TMC3: variants seen among roughly 807,000 people sequenced by gnomAD.
TMC3 encodes the protein transmembrane channel like 3, also known as transmembrane channel-like protein 3.
A neutral mutation model predicts 110.6 loss-of-function variants in TMC3; 98 were observed. That is an observed-to-expected ratio of 0.89 (90% CI 0.75 to 1.05). The LOEUF (loss-of-function observed/expected upper bound fraction) is 1.05. TMC3 is among the 50% of genes least tolerant of loss of function. The probability of loss-of-function intolerance (pLI) is 0.00; values close to 1 mark genes in which losing one functional copy is unlikely to be tolerated. For synonymous variants in TMC3, 489 were observed against 513.1 expected, an observed-to-expected ratio of 0.95 and a Z score of 0.63; for missense variants, 1,319 against 1,373.2, an observed-to-expected ratio of 0.96 and a Z score of 0.62.
Position 81,333,165 on chromosome 15 carries a change from C to T in TMC3, c.2557G>A (p.Glu853Lys). 1 of 1,614,040 alleles carries T rather than the reference C, an allele frequency of 6.2e-7. No individual in the cohort carries two copies. The highest frequency in any genetic ancestry group is 8.5e-7 in the Non-Finnish European group (1 of 1,179,904). ...FTTHIEDVHS[E>K]PLFRKDFQQI... ...TGAAAGTCTTTTCGGAAAAGAGGTT[C>T]TGAGTGTACATCTTCGATGTGCGTT... Residue 853 changes from glutamate (E) to lysine (K), a missense_variant, in exon 22 of 22, where the codon GAA (glutamate) becomes AAA (lysine). By Grantham distance (56) the Glu-to-Lys change is moderately conservative. Coordinates refer to ENST00000359440, the MANE Select transcript of TMC3 (RefSeq NM_001080532.3).
intron 3 of TMC3, among the ~76,000 whole-genome samples, chr15:81,362,656 G>T (rs562563488): frequency 1.3e-5 from 2 of 151,854 alleles, no homozygotes; most frequent in South Asian, 2.1e-4. Context: ...CTTGCTCTTT[G>T]AGAAAAAAAA....
chr15:81,370,680 C>CTTTTT lies in TMC3; in HGVS notation c.236+1906_236+1910dup, dbSNP rs10676279. Among the ~76,000 whole-genome samples the CTTTTT allele has an allele frequency of 2.7e-4, 37 of 139,334 alleles. 2 individuals carry two copies. The highest frequency in any genetic ancestry group is 1.0e-3 in the African/African-American group (37 of 37,124). The allele number at this position is 139,334 out of a possible 152,430, so 91.4% of individuals were successfully genotyped here. A position where few individuals can be genotyped will look rare whatever the true frequency, so the allele number is the denominator to read the frequency against. On this transcript the variant is annotated intron_variant, in intron 2 of 21. Coordinates refer to ENST00000359440, the MANE Select transcript of TMC3 (RefSeq NM_001080532.3). ...AGCAAAATTCTAATAGAAACTATTT[C>CTTTTT]TTTTTTTTTTTTTTTTGAGACAGAG...
Position 81,372,580 on chromosome 15 carries a change from G to A in TMC3, c.236+11C>T. ...CTTGTAATGATCAATAATGGCCATTGAGGCCCTTACCTCAATGCCCTCAGC... is the reference window on the plus strand; with the variant it reads ...CTTGTAATGATCAATAATGGCCATTAAGGCCCTTACCTCAATGCCCTCAGC... On this transcript the variant is annotated intron_variant, in intron 2 of 21. Transcript: ENST00000359440. 2.5e-6 allele frequency: 4 copies of A among 1,613,002 alleles called. No homozygotes were observed. Among genetic ancestry groups the A allele is most frequent in the Non-Finnish European group, 3.4e-6 (4 of 1,179,874 alleles).
chr15:81,332,762 T>G lies in TMC3; in HGVS notation c.2960A>C (p.His987Pro). 6.2e-7 allele frequency: 1 copy of G among 1,612,706 alleles called. No individual in the cohort carries two copies. Among genetic ancestry groups the G allele is most frequent in the Non-Finnish European group, 8.5e-7 (1 of 1,179,396 alleles). ...RSESQTRDPE[H>P]QGRVHYKSWN... ...CGACTTGTAGTGCACCCTCCCCTGG[T>G]GCTCGGGATCCCGGGTCTGACTTTC... is the stretch of plus-strand genomic sequence containing the variant. The change falls in exon 22 of 22, where the codon CAC (histidine) becomes CCC (proline). Residue 987 changes from histidine (H) to proline (P), a missense_variant. His to Pro is a moderately conservative substitution (Grantham distance 77, BLOSUM62 -2). Transcript: ENST00000359440.
intron 2 of TMC3, among the ~76,000 whole-genome samples, chr15:81,369,005 G>C (rs7164258): frequency 1.3e-5 from 2 of 151,964 alleles, no homozygotes; most frequent in African/African-American, 4.8e-5. Flanking sequence ...CTGAAGTCAA[G>C]GGCTCTTAGA....
intron 20 of TMC3, 125 bp from the exon 21 acceptor site, chr15:81,335,100 A>G: frequency 2.0e-6 from 2 of 1,003,268 alleles, no homozygotes; most frequent in Non-Finnish European, 2.9e-6. Flanking sequence ...GAGTGCACTT[A>G]CAAATGCACC....
intron 4 of TMC3, among the ~76,000 whole-genome samples, chr15:81,361,312 T>G (rs1328632886): frequency 6.6e-6 from 1 of 152,190 alleles, no homozygotes; most frequent in East Asian, 1.9e-4. Context: ...TTAAAACAAT[T>G]GAATCAATTG....
Position 81,337,833 on chromosome 15 carries a change from A to C in TMC3, c.2160+13T>G, listed in dbSNP as rs753217584. On this transcript the variant is annotated intron_variant, in intron 19 of 21. Transcript: ENST00000359440. ...ACACATATTCATAATAGCAAAGTTC[A>C]TGAAATACTTGCGTTTTGGATCTGC... 6.2e-7 allele frequency: 1 copy of C among 1,610,288 alleles called. No individual in the cohort carries two copies. Among genetic ancestry groups the C allele is most frequent in the Admixed American group, 1.7e-5 (1 of 60,018 alleles).
In TMC3 at chr15:81,336,628, C is replaced by G. The variant is rs1273561512; in HGVS notation, c.2184G>C (p.Lys728Asn). ...IQNARSEDKK[K>N]VAQMVEARIQ... The stretch of plus-strand genomic sequence containing the variant: ...ACTTACCTTCTACCATCTGGGCAAC[C>G]TTTTTCTTATCCTCTGATCTTGCCT... Residue 728 changes from lysine (K) to asparagine (N), a missense_variant, in exon 20 of 22, where the codon AAG (lysine) becomes AAC (asparagine). Lys to Asn is a moderately conservative substitution (Grantham distance 94). Transcript: ENST00000359440. 1 of 1,613,730 alleles carries G rather than the reference C, an allele frequency of 6.2e-7. No individual in the cohort carries two copies. The highest frequency in any genetic ancestry group is 8.5e-7 in the Non-Finnish European group (1 of 1,179,862).
intron 12 of TMC3, among the ~76,000 whole-genome samples, chr15:81,346,095 G>C (rs923734642): frequency 6.6e-6 from 1 of 152,190 alleles, no homozygotes; most frequent in African/African-American, 2.4e-5. Flanking sequence ...AAATGGGGTA[G>C]TATGATACAA....
intron 20 of TMC3, chr15:81,335,795 C>G (rs991159423): frequency 2.0e-5 from 3 of 152,306 alleles, no homozygotes; most frequent in African/African-American, 7.2e-5. Flanking sequence ...AGATCCATCT[C>G]CTTCGAGCTG....
At chr15:81,369,464 T>C (rs1487825393) in intron 2 of TMC3, among the ~76,000 whole-genome samples, 1 of 152,200 alleles carries the variant, frequency 6.6e-6, no homozygotes, top group African/African-American at 2.4e-5. Flanking sequence ...GTTGGGACCA[T>C]CTTAATAGAG....
chr15:81,352,976 A>C (rs2141710515), intron 9 of TMC3, among the ~76,000 whole-genome samples: 1 of 152,124 alleles, frequency 6.6e-6, no homozygotes, highest in East Asian at 1.9e-4. Flanking sequence ...ATTTGCCACC[A>C]CACCTGGCTA....
chr15:81,338,497 C>T (rs1056217245), intron 18 of TMC3, among the ~76,000 whole-genome samples, 158 bp downstream of exon 18: 2 of 152,170 alleles, frequency 1.3e-5, no homozygotes, highest in Non-Finnish European at 2.9e-5. Flanking sequence ...TCATGTGACT[C>T]TGGTGTGTGA....
intron 15 of TMC3, chr15:81,343,020 A>G (rs2141698515): frequency 7.2e-6 from 3 of 418,514 alleles, no homozygotes; most frequent in South Asian, 3.8e-5. Flanking sequence ...AGTGTATTCT[A>G]CTGGTTTCTG....
At chr15:81,339,639 T>A in intron 16 of TMC3, 135 bp from the exon 17 acceptor site, 1 of 675,328 alleles carries the variant, frequency 1.5e-6, no homozygotes, top group Non-Finnish European at 2.6e-6. Context: ...CAGGGTTACC[T>A]ACAAATGGAT....
At chr15:81,366,801 T>C (rs962698049) in intron 3 of TMC3, among the ~76,000 whole-genome samples, 12 of 152,194 alleles carry the variant, frequency 7.9e-5, no homozygotes, top group African/African-American at 2.7e-4. Context: ...TCCTTAGGGA[T>C]TCTTTGATAG....
Position 81,341,632 on chromosome 15 carries a change from C to T in TMC3, c.1716-114G>A, listed in dbSNP as rs1259683071. ...GACACTTTGGGGATTATACCCTAAG[C>T]TTAAAGGACTGGAAAAGCCCCTGAA... On this transcript the variant is annotated intron_variant, in intron 15 of 21. Transcript: ENST00000359440. 2.5e-6 allele frequency: 3 copies of T among 1,199,442 alleles called. No individual in the cohort carries two copies. In the African/African-American group the frequency reaches 4.6e-5, roughly 18 times the overall value. The allele number at this position is 1,199,442 out of a possible 1,614,324, so 74.3% of individuals were successfully genotyped here. A position where few individuals can be genotyped will look rare whatever the true frequency, so the allele number is the denominator to read the frequency against.
At position 81,339,565 on chromosome 15, in the gene TMC3, T is replaced by G. The variant is rs1007092024; in HGVS notation, c.1845-61A>C. On this transcript the variant is annotated intron_variant, in intron 16 of 21. Coordinates refer to ENST00000359440, the MANE Select transcript of TMC3 (RefSeq NM_001080532.3). ...TCCATAGCCAGTTGCCAGGGTTGCA[T>G]ATGCCCAAAGAGCTGCCACAGAAAC... is the stretch of plus-strand genomic sequence containing the variant. The G allele has an allele frequency of 1.8e-5, 24 of 1,311,836 alleles. No individual in the cohort carries two copies. The African/African-American group carries it at 3.1e-4, about 17-fold the overall frequency. The allele number at this position is 1,311,836 out of a possible 1,614,324, so 81.3% of individuals were successfully genotyped here. A position where few individuals can be genotyped will look rare whatever the true frequency, so the allele number is the denominator to read the frequency against.
Sources: allele counts gnomAD v4.1 joint callset (sites outside exome capture counted in the v4.1 genomes callset), GRCh38; gene constraint gnomAD v4.1.1; transcripts MANE v1.5; gene names NCBI Gene and HGNC (gene_info 2026-07-23, HGNC 2026-07-21).